The following ATP10A variants were observed in gnomAD, a reference collection of about 807,000 sequenced individuals.
ATP10A encodes phospholipid-transporting ATPase VA.
Under a neutral mutation model 147.8 loss-of-function variants are expected in ATP10A, and 111 were observed. The ratio of observed to expected loss-of-function variants is 0.75; its 90% CI spans 0.64 to 0.88. ATP10A has a LOEUF of 0.88. Among genes scored for constraint, ATP10A ranks in the 40% least tolerant of loss-of-function variants. The probability of loss-of-function intolerance (pLI) is 0.00; values close to 1 mark genes in which losing one functional copy is unlikely to be tolerated. For synonymous variants in ATP10A, 875 were observed against 841.6 expected (o/e 1.04, Z -0.69); for missense variants, 1,927 against 1,959.0 (o/e 0.98, Z 0.31).
intron 2 of ATP10A, among the ~76,000 whole-genome samples, chr15:25,739,560 T>C (rs1480897015): frequency 6.6e-6 from 1 of 152,190 alleles, no homozygotes; most frequent in African/African-American, 2.4e-5. Flanking sequence ...AATGAATCCC[T>C]GTGCTTGGGA....
intron 1 of ATP10A, among the ~76,000 whole-genome samples, chr15:25,789,753 G>A (rs1275831312): frequency 6.6e-6 from 1 of 152,092 alleles, no homozygotes. Flanking sequence ...CGCCATCAGC[G>A]CTGTTGAGAT....
At chr15:25,790,947 C>G (rs774178559) in intron 1 of ATP10A, among the ~76,000 whole-genome samples, 1 of 152,086 alleles carries the variant, frequency 6.6e-6, no homozygotes, top group Non-Finnish European at 1.5e-5. Flanking sequence ...CTTATTCCTA[C>G]GGAGAAGTTT....
intron 16 of ATP10A, among the ~76,000 whole-genome samples, chr15:25,685,939 A>G (rs1393276065): frequency 6.6e-6 from 1 of 151,610 alleles, no homozygotes; most frequent in Non-Finnish European, 1.5e-5. Flanking sequence ...TCATCCCTCC[A>G]CTCCTTCGGG....
intron 2 of ATP10A, among the ~76,000 whole-genome samples, chr15:25,738,980 C>T (rs968807339): frequency 6.6e-6 from 1 of 152,176 alleles, no homozygotes. Context: ...CCTGCAGAGA[C>T]AATCTGGCAT....
intron 1 of ATP10A, among the ~76,000 whole-genome samples, chr15:25,820,637 G>A (rs28696904): frequency 0.35 from 52,766 of 152,000 alleles, 10,457 homozygotes; most frequent in African/African-American, 0.54. Flanking sequence ...TAATAGCAGT[G>A]GTCTGGGAAA....
chr15:25,783,285 C>T (rs770653094), intron 1 of ATP10A, among the ~76,000 whole-genome samples: 1 of 152,138 alleles, frequency 6.6e-6, no homozygotes, highest in Non-Finnish European at 1.5e-5. Flanking sequence ...CATCCTACAC[C>T]CCCCATAAAA....
In ATP10A at chr15:25,713,941, A is replaced by G. The variant is rs1255060162; in HGVS notation, c.2077T>C (p.Tyr693His). The change falls in exon 10 of 21, where the codon TAC becomes CAC. Residue 693 changes from tyrosine (Y) to histidine (H), a missense_variant. Tyr to His is a moderately conservative substitution (Grantham distance 83, BLOSUM62 2). Coordinates refer to ENST00000555815, the MANE Select transcript of ATP10A (RefSeq NM_024490.4). ...GCCTCATCCGGGCTCTCCGCCTCGT[A>G]CCGCAGCTCGCGCTCTGACTCCTGC... ...QEQESERELR[Y>H]EAESPDEAAL... The G allele has an allele frequency of 6.2e-7, 1 of 1,611,314 alleles. No homozygotes were observed. Among genetic ancestry groups the G allele is most frequent in the Admixed American group, 1.7e-5 (1 of 60,008 alleles).
At chr15:25,696,088 T>C (rs1900322491) in intron 13 of ATP10A, among the ~76,000 whole-genome samples, 1 of 152,090 alleles carries the variant, frequency 6.6e-6, no homozygotes, top group African/African-American at 2.4e-5. Flanking sequence ...ACAAACACGC[T>C]CCGGGGAGCC....
At chr15:25,802,275 G>A (rs1890973722) in intron 1 of ATP10A, among the ~76,000 whole-genome samples, 1 of 152,174 alleles carries the variant, frequency 6.6e-6, no homozygotes, top group Non-Finnish European at 1.5e-5. Context: ...CGAGGCTGTG[G>A]CACCCAGCTT....
chr15:25,802,241 G>C (rs1211612300), intron 1 of ATP10A, among the ~76,000 whole-genome samples: 1 of 152,194 alleles, frequency 6.6e-6, no homozygotes, highest in Non-Finnish European at 1.5e-5. Flanking sequence ...AGACCGAGCT[G>C]TTCTCAACGT....
intron 1 of ATP10A, among the ~76,000 whole-genome samples, chr15:25,788,343 C>G (rs1399901617): frequency 6.6e-6 from 1 of 152,238 alleles, no homozygotes; most frequent in East Asian, 1.9e-4. Flanking sequence ...AGCCCAGAAG[C>G]CTGGACTCTG....
rs185353087 is a variant in ATP10A at position 25,821,292 on chromosome 15, G to A, written c.450-40069C>T. The stretch of plus-strand genomic sequence containing the variant: ...TGGTCCCAGCTACTCAGGAAGCTGA[G>A]GTGGGAGGATCACTGCAGCCCGGGA... On this transcript the variant is annotated intron_variant, in intron 1 of 20. Transcript: ENST00000555815. Among the ~76,000 whole-genome samples, 57 of 152,248 alleles carry A rather than the reference G, an allele frequency of 3.7e-4. 1 individual carries two copies. In the East Asian group the frequency reaches 9.3e-3, roughly 25 times the overall value.
Position 25,726,090 on chromosome 15 carries a change from G to T in ATP10A, c.848-8C>A. ...GAGCCTTGGTTTCATGTCCTGTCGG[G>T]GAGGACAAAGAGACATGGCAAGTCA... On this transcript the variant is annotated splice_region_variant and splice_polypyrimidine_tract_variant and intron_variant, in intron 4 of 20. Coordinates refer to ENST00000555815, the MANE Select transcript of ATP10A (RefSeq NM_024490.4). 1 of 1,612,830 alleles carries T rather than the reference G, an allele frequency of 6.2e-7. No individual in the cohort carries two copies. Among genetic ancestry groups the T allele is most frequent in the Non-Finnish European group, 8.5e-7 (1 of 1,179,214 alleles).
chr15:25,809,317 A>G (rs1175547732), intron 1 of ATP10A, among the ~76,000 whole-genome samples: 1 of 151,936 alleles, frequency 6.6e-6, no homozygotes, highest in Non-Finnish European at 1.5e-5. Flanking sequence ...CCAGGCATGC[A>G]CTCCCCAAAC....
At chr15:25,706,105 C>A (rs1900993276) in intron 12 of ATP10A, among the ~76,000 whole-genome samples, 3 of 152,068 alleles carry the variant, frequency 2.0e-5, no homozygotes. Context: ...CACAGTTGCC[C>A]AAGTAAAAAT....
At position 25,707,912 on chromosome 15, in the gene ATP10A, C is replaced by T. The variant is rs1479431789; in HGVS notation, c.2575+64G>A. 7.0e-6 allele frequency: 11 copies of T among 1,581,548 alleles called. 1 individual carries two copies. In the Admixed American group the frequency reaches 1.7e-4, roughly 24 times the overall value. ...AGCAGCCGCTGACAAGAGCACTCAC[C>T]CCTCCAGGGCCGTCCCTGCAAACTC... On this transcript the variant is annotated intron_variant, in intron 12 of 20. Coordinates refer to ENST00000555815, the MANE Select transcript of ATP10A (RefSeq NM_024490.4).
At chr15:25,691,917 G>C (rs1380866379) in intron 14 of ATP10A, 126 bp from the exon 15 acceptor site, 13 of 1,051,204 alleles carry the variant, frequency 1.2e-5, no homozygotes, top group Non-Finnish European at 1.7e-5. Flanking sequence ...GGGGAAGATG[G>C]GGGAAAAAGG....
intron 2 of ATP10A, among the ~76,000 whole-genome samples, chr15:25,756,652 A>AAAG (rs1555465061): frequency 1.9e-4 from 29 of 149,822 alleles, no homozygotes; most frequent in African/African-American, 4.8e-4. Flanking sequence ...CAAATAAAAA[A>AAAG]AAAGAAAGAA....
rs1206302817 is a variant in ATP10A at position 25,736,109 on chromosome 15, G to A, written c.687C>T (p.Ser229=). 6 of 1,613,242 alleles carry A rather than the reference G, an allele frequency of 3.7e-6. No individual in the cohort carries two copies. Among genetic ancestry groups the A allele is most frequent in the East Asian group, 2.2e-5 (1 of 44,888 alleles). ...VSEFNPLTFT[S]VIECEKPNND... is the part of the protein sequence containing the mutation. Reference sequence around the variant, plus strand: ...TGTTTGGCTTCTCGCATTCGATCACGCTGGTGAACGTCAAAGGATTGAATT... The same window carrying A: ...TGTTTGGCTTCTCGCATTCGATCACACTGGTGAACGTCAAAGGATTGAATT... Residue 229 remains serine, a synonymous_variant, in exon 3 of 21, where the codon AGC becomes AGT. Transcript: ENST00000555815.
Sources: allele counts gnomAD v4.1 joint callset (sites outside exome capture counted in the v4.1 genomes callset), GRCh38; gene constraint gnomAD v4.1.1; transcripts MANE v1.5; gene names NCBI Gene and HGNC (gene_info 2026-07-23, HGNC 2026-07-21).